STRIP2: variants seen among roughly 807,000 people sequenced by gnomAD.
STRIP2 encodes the protein striatin interacting protein 2.
Under a neutral mutation model 107.1 loss-of-function variants are expected in STRIP2, and 84 were observed. The ratio of observed to expected loss-of-function variants is 0.78; its 90% confidence interval spans 0.66 to 0.94. STRIP2 has a LOEUF of 0.94. Ranked by LOEUF, STRIP2 falls within the 40% of genes least tolerant of loss-of-function variation. The pLI is 0.00. For synonymous variants in STRIP2, 394 were observed against 400.4 expected, an observed-to-expected ratio of 0.98 and a Z score of 0.19; for missense variants, 888 against 1,034.2, an observed-to-expected ratio of 0.86 and a Z score of 1.94.
At chr7:129,482,508 G>A (rs925482137) in intron 19 of STRIP2, among the ~76,000 whole-genome samples, 9 of 150,982 alleles carry the variant, frequency 6.0e-5, no homozygotes, top group African/African-American at 2.2e-4. Flanking sequence ...CTCCTTAGTA[G>A]CTGGGATTAC....
rs1276698000 is a variant in STRIP2 at position 129,483,097 on chromosome 7, A to C, written c.2254+51A>C. ...TCCTGGAGTTTCCTGGGGTTTAGACAAAACTAAATAAATATTTATCACTCC... is the reference window on the plus strand; with the variant it reads ...TCCTGGAGTTTCCTGGGGTTTAGACCAAACTAAATAAATATTTATCACTCC... On this transcript the variant is annotated intron_variant, in intron 20 of 20. Coordinates refer to ENST00000249344, the MANE Select transcript of STRIP2 (RefSeq NM_020704.3). The surrounding 1 kb of genome is among the most constrained non-coding windows in gnomAD (Gnocchi z 5.1). The C allele has an allele frequency of 6.3e-7, 1 of 1,578,010 alleles. No homozygotes were observed. The highest frequency in any genetic ancestry group is 1.2e-5 in the South Asian group (1 of 86,796).
rs753986756 is a variant in STRIP2 at position 129,436,294 on chromosome 7, T to C, written c.129+1693T>C. On this transcript the variant is annotated intron_variant, in intron 1 of 20. Coordinates refer to ENST00000249344, the MANE Select transcript of STRIP2 (RefSeq NM_020704.3). Reference sequence around the variant, plus strand: ...TAAATAAAATAATTTCAGAATGATATGTTCTATGGGGGGAATAAAAGTCTC... The same window carrying C: ...TAAATAAAATAATTTCAGAATGATACGTTCTATGGGGGGAATAAAAGTCTC... 4.5e-4 allele frequency among the ~76,000 whole-genome samples: 69 copies of C among 152,276 alleles called. No homozygotes were observed. In the Middle Eastern group the frequency reaches 0.014, roughly 30 times the overall value.
chr7:129,484,289 C>G (rs1799194111), intron 20 of STRIP2, among the ~76,000 whole-genome samples: 1 of 152,158 alleles, frequency 6.6e-6, no homozygotes, highest in South Asian at 2.1e-4. Context: ...CATTGCCTCA[C>G]ATCAGAAGGC....
chr7:129,434,816 T>C (rs1797688614), intron 1 of STRIP2, among the ~76,000 whole-genome samples: 1 of 152,260 alleles, frequency 6.6e-6, no homozygotes, highest in Non-Finnish European at 1.5e-5. Flanking sequence ...TTTCTAGCCC[T>C]CTGGCTTTCC....
At chr7:129,464,333 G>C (rs1798618536) in intron 15 of STRIP2, among the ~76,000 whole-genome samples, 192 bp downstream of exon 15, 1 of 151,972 alleles carries the variant, frequency 6.6e-6, no homozygotes, top group African/African-American at 2.4e-5. Flanking sequence ...TCTGGATCTG[G>C]AGGGTGACAC....
intron 20 of STRIP2, among the ~76,000 whole-genome samples, chr7:129,484,253 T>C (rs1799193383): frequency 6.6e-6 from 1 of 152,262 alleles, no homozygotes; most frequent in Non-Finnish European, 1.5e-5. Context: ...GGCTGCAGTA[T>C]GTCCTAGGTA....
intron 5 of STRIP2, 100 bp from the exon 6 acceptor site, chr7:129,454,042 C>A: frequency 9.1e-7 from 1 of 1,102,012 alleles, no homozygotes; most frequent in Non-Finnish European, 1.3e-6. Flanking sequence ...GCTGCCTAGC[C>A]AGGGAATGGC....
rs567050501 is a variant in STRIP2 at position 129,434,558 on chromosome 7, C to T, written c.86C>T (p.Pro29Leu). Reference sequence around the variant, plus strand: ...GGCGGCAAAGGGAAGCAGGCGGCGCCCAAGGGCCGCGAAGCGTTCCGAAGC... The same window carrying T: ...GGCGGCAAAGGGAAGCAGGCGGCGCTCAAGGGCCGCGAAGCGTTCCGAAGC... The part of the protein sequence containing the change: ...NGGGKGKQAA[P>L]KGREAFRSQR... The change falls in exon 1 of 21, where the codon CCC becomes CTC. Residue 29 changes from proline to leucine, a missense_variant. By Grantham distance (98) the Pro-to-Leu change is moderately conservative. Transcript: ENST00000249344. The T allele has an allele frequency of 3.6e-5, 54 of 1,517,736 alleles. No individual in the cohort carries two copies. The African/African-American group carries it at 6.7e-4, about 19-fold the overall frequency. The allele number at this position is 1,517,736 out of a possible 1,614,324, so 94.0% of individuals were successfully genotyped here.
intron 16 of STRIP2, 95 bp downstream of exon 16, chr7:129,464,833 G>GAT: frequency 6.7e-7 from 1 of 1,492,888 alleles, no homozygotes; most frequent in Non-Finnish European, 9.2e-7. Flanking sequence ...ATCCTGATGA[G>GAT]CATCTTTCAG....
rs774390393 is a variant in STRIP2, at chr7:129,456,588, G to T, written c.984G>T (p.Glu328Asp). 5 of 1,613,986 alleles carry T rather than the reference G, an allele frequency of 3.1e-6. No individual in the cohort carries two copies. In the East Asian group the frequency reaches 8.9e-5, roughly 29 times the overall value. ...CCTCTTACACTCTTGACCTGGGAGAGTCTCAGCTGGCACCCCCACCCTCCA... is the reference window on the plus strand; with the variant it reads ...CCTCTTACACTCTTGACCTGGGAGATTCTCAGCTGGCACCCCCACCCTCCA... ...SPPSYTLDLG[E>D]SQLAPPPSKL... Residue 328 changes from glutamate (E) to aspartate (D), a missense_variant, in exon 9 of 21, where the codon GAG becomes GAT. Coordinates refer to ENST00000249344, the MANE Select transcript of STRIP2 (RefSeq NM_020704.3).
Position 129,464,138 on chromosome 7 carries a change from T to A in STRIP2, c.1646T>A (p.Met549Lys). ...CTGGCAGATGTCCTACCTGAGGAGA[T>A]GCCGTGAGTGCTTCAACGGGGGCAG... ...NILADVLPEEMPITVLQSMKL... is the reference protein window; with the variant it reads ...NILADVLPEEKPITVLQSMKL... Residue 549 changes from methionine to lysine, a missense_variant, in exon 15 of 21, where the codon ATG (methionine) becomes AAG (lysine). Coordinates refer to ENST00000249344, the MANE Select transcript of STRIP2 (RefSeq NM_020704.3). 1 of 1,610,152 alleles carries A rather than the reference T, an allele frequency of 6.2e-7. No individual in the cohort carries two copies. Among genetic ancestry groups the A allele is most frequent in the Non-Finnish European group, 8.5e-7 (1 of 1,178,968 alleles).
intron 1 of STRIP2, 111 bp downstream of exon 1, chr7:129,434,712 C>A: frequency 2.4e-6 from 3 of 1,267,056 alleles, no homozygotes; most frequent in Middle Eastern, 2.8e-4. Context: ...TCGATCAGCC[C>A]CGCGCAGTGG....
At chr7:129,469,277 A>G (rs957938362) in intron 17 of STRIP2, among the ~76,000 whole-genome samples, 26 of 152,332 alleles carry the variant, frequency 1.7e-4, no homozygotes, top group African/African-American at 6.3e-4. Flanking sequence ...CTTATGCACC[A>G]TCTGTAAGTT....
chr7:129,461,496 A>AAT lies in STRIP2; in HGVS notation c.1476+1127_1476+1128dup, dbSNP rs1798535602. Among the ~76,000 whole-genome samples the AAT allele has an allele frequency of 6.6e-6, 1 of 152,222 alleles. No individual in the cohort carries two copies. The highest frequency in any genetic ancestry group is 1.5e-5 in the Non-Finnish European group (1 of 68,044). On this transcript the variant is annotated intron_variant, in intron 13 of 20. Coordinates refer to ENST00000249344, the MANE Select transcript of STRIP2 (RefSeq NM_020704.3). This position sits in a 1 kb window ranked among gnomAD's most constrained non-coding sequence, Gnocchi z 4.0. ...GATGTGTCAGGAAAGGAGCCAGAAG[A>AAT]ATATGAAAGACAGTGAAGTGGCTGG...
intron 16 of STRIP2, among the ~76,000 whole-genome samples, chr7:129,465,399 A>AT: frequency 6.6e-6 from 1 of 152,054 alleles, no homozygotes; most frequent in Non-Finnish European, 1.5e-5. Flanking sequence ...CCAGAGGGGG[A>AT]AGAGAGAGAG....
chr7:129,434,701 C>T, intron 1 of STRIP2, 100 bp downstream of exon 1: 1 of 1,328,910 alleles, frequency 7.5e-7, no homozygotes, highest in Non-Finnish European at 9.7e-7. Context: ...CCTCGGCGCG[C>T]TCGATCAGCC....
chr7:129,434,467 A>T lies in STRIP2; in HGVS notation c.-6A>T. ...TGAACCCTGAGGGGAGCCGCTGACC[A>T]GCAGCATGGAGGACCCCGCCGCGCC... On this transcript the variant is annotated 5_prime_UTR_variant, in exon 1 of 21. Transcript: ENST00000249344. The T allele has an allele frequency of 6.6e-6, 10 of 1,508,652 alleles. No homozygotes were observed. The highest frequency in any genetic ancestry group is 8.8e-6 in the Non-Finnish European group (10 of 1,135,292). 93.5% of individuals were successfully genotyped at this position (1,508,652 alleles called of 1,614,324 possible).
intron 8 of STRIP2, 68 bp from the exon 9 acceptor site, chr7:129,456,371 C>G: frequency 6.9e-7 from 1 of 1,440,998 alleles, no homozygotes; most frequent in South Asian, 1.2e-5. Flanking sequence ...TCCATGTTTC[C>G]CTGACCTTGG....
At chr7:129,468,683 CTG>C (rs2151010539) in intron 17 of STRIP2, among the ~76,000 whole-genome samples, 1 of 152,304 alleles carries the variant, frequency 6.6e-6, no homozygotes, top group Non-Finnish European at 1.5e-5. Flanking sequence ...ACAGGTCAGG[CTG>C]TGTCAGGGCC....
Sources: gnomAD v4.1 joint callset for allele counts (sites outside exome capture counted in the v4.1 genomes callset) on GRCh38, gnomAD v4.1.1 for gene constraint, Gnocchi (gnomAD v3.1) non-coding constraint, MANE v1.5 for transcripts, NCBI Gene and HGNC (gene_info 2026-07-23, HGNC 2026-07-21) for gene names.